The following PABIR2 variants were observed in gnomAD, a reference collection of about 807,000 sequenced individuals.
The protein encoded by PABIR2 is family with sequence similarity 122B.
PABIR2 carries 7 observed loss-of-function variants against 22.8 expected under a neutral mutation model. That is an observed-to-expected ratio of 0.31 (90% CI 0.17 to 0.58). The LOEUF (loss-of-function observed/expected upper bound fraction) is 0.58, where lower values mean the gene tolerates loss of function less well. PABIR2 is among the 20% of genes least tolerant of loss of function. The pLI is 0.89. For missense variants in PABIR2, 155 were observed against 205.1 expected (o/e 0.76, Z 1.49); for synonymous variants, 67 against 73.8 (o/e 0.91, Z 0.47).
chrX:134,791,537 G>A (rs1028852120), intron 2 of PABIR2: 28 of 288,916 alleles, frequency 9.7e-5, no homozygotes, highest in African/African-American at 7.9e-4. Flanking sequence ...TGGAGAAGGT[G>A]GAAAGAAGAG....
At chrX:134,785,188 A>G (rs2079275794) in intron 8 of PABIR2, among the ~76,000 whole-genome samples, 1 of 112,045 alleles carries the variant, frequency 8.9e-6, no homozygotes, top group Non-Finnish European at 1.9e-5. Flanking sequence ...ATTGAGAATC[A>G]GCACAGCAAA....
chrX:134,771,776 T>C lies in PABIR2; in HGVS notation c.*363A>G, dbSNP rs1262552250. 9 of 812,179 alleles carry C rather than the reference T, an allele frequency of 1.1e-5. No homozygotes were observed. Among genetic ancestry groups the C allele is most frequent in the Non-Finnish European group, 1.3e-5 (9 of 678,806 alleles). The allele number at this position is 812,179 out of a possible 1,213,427, so 66.9% of individuals were successfully genotyped here. A position where few individuals can be genotyped will look rare whatever the true frequency, so the allele number is the denominator to read the frequency against. On this transcript the variant is annotated 3_prime_UTR_variant, in exon 10 of 10. Transcript: ENST00000343004. The stretch of plus-strand genomic sequence containing the variant: ...AGAATTTCTGATCAAATCTGTCATA[T>C]CACTGCTGCGGAAAAGGACCATTAA...
At chrX:134,793,001 C>G (rs777021901) in intron 2 of PABIR2, among the ~76,000 whole-genome samples, 6 of 112,069 alleles carry the variant, frequency 5.4e-5, no homozygotes, top group Non-Finnish European at 7.5e-5. Flanking sequence ...GTTTTTCCCT[C>G]TCCTCCCTTG....
intron 3 of PABIR2, 147 bp downstream of exon 3, chrX:134,789,433 G>A: frequency 9.7e-6 from 8 of 824,970 alleles, no homozygotes; most frequent in African/African-American, 2.0e-5. Flanking sequence ...CATGCCGCTT[G>A]TATATTTTAT....
rs1240354101 is a variant in PABIR2 at position 134,785,649 on chromosome X, C to G, written c.562+237G>C. On this transcript the variant is annotated intron_variant, in intron 8 of 9. Transcript: ENST00000343004. Reference sequence around the variant, plus strand: ...TAGAGATGGGATTTTGTCATATTGGCCAGGCTGGTCTCAAACTCCTGACCC... The same window carrying G: ...TAGAGATGGGATTTTGTCATATTGGGCAGGCTGGTCTCAAACTCCTGACCC... 2.7e-5 allele frequency among the ~76,000 whole-genome samples: 3 copies of G among 111,236 alleles called. No individual in the cohort carries two copies. The East Asian group carries it at 8.5e-4, about 31-fold the overall frequency.
intron 6 of PABIR2, 87 bp downstream of exon 6, chrX:134,788,643 T>C (rs2079452228): frequency 1.3e-6 from 1 of 757,723 alleles, no homozygotes; most frequent in East Asian, 3.6e-5. Context: ...AGGCATTGGA[T>C]ACTTTAAAAG....
chrX:134,783,491 C>T (rs182740385), intron 8 of PABIR2, among the ~76,000 whole-genome samples: 16 of 112,249 alleles, frequency 1.4e-4, no homozygotes, highest in Non-Finnish European at 2.8e-4. Flanking sequence ...TTTTGGGAGG[C>T]CGAGGCAGGC....
chrX:134,776,085 A>AAT (rs2078967803), intron 9 of PABIR2, among the ~76,000 whole-genome samples: 1 of 107,999 alleles, frequency 9.3e-6, no homozygotes, highest in Admixed American at 9.8e-5. Flanking sequence ...ACATCTCTAA[A>AAT]GTGTGTGTGT....
rs1356827814 is a variant in PABIR2, at chrX:134,788,092, AAT to A, written c.436-561_436-560del. On this transcript the variant is annotated intron_variant, in intron 6 of 9. Coordinates refer to ENST00000343004, the MANE Select transcript of PABIR2 (RefSeq NM_001387468.1). ...TATGTAATATACACGTTATATGTGT[AAT>A]ATATACACGTTATATATGTGTAATA... 5.9e-5 allele frequency among the ~76,000 whole-genome samples: 6 copies of A among 102,039 alleles called. No homozygotes were observed. The South Asian group carries it at 2.0e-3, about 33-fold the overall frequency. 88.6% of individuals were successfully genotyped at this position (102,039 alleles called of 115,157 possible).
At chrX:134,777,288 A>C (rs1048720326) in intron 9 of PABIR2, among the ~76,000 whole-genome samples, 1 of 112,050 alleles carries the variant, frequency 8.9e-6, no homozygotes, top group African/African-American at 3.2e-5. Flanking sequence ...ACACTTTGGG[A>C]GGCCAAGGCA....
intron 6 of PABIR2, among the ~76,000 whole-genome samples, chrX:134,788,486 A>ATG (rs1476217600): frequency 1.9e-5 from 2 of 106,693 alleles, no homozygotes; most frequent in African/African-American, 3.4e-5. Flanking sequence ...TACGTTATAT[A>ATG]TGTAATATAT....
chrX:134,797,160 C>A lies in PABIR2; in HGVS notation c.-955G>T, dbSNP rs991673776. The A allele has an allele frequency of 8.8e-6, 1 of 114,133 alleles. No homozygotes were observed. The highest frequency in any genetic ancestry group is 3.5e-4 in the South Asian group (1 of 2,853). The allele number at this position is 114,133 out of a possible 1,213,427, so 9.4% of individuals were successfully genotyped here. ...GCCTCCCACGCTTCAGAAGCGGGAA[C>A]CTCCGCTGGGCCAGTTCTTCCGCGT... is the stretch of plus-strand genomic sequence containing the variant. On this transcript the variant is annotated 5_prime_UTR_variant, in exon 1 of 10. Transcript: ENST00000343004.
At chrX:134,775,615 T>A (rs2078955423) in intron 9 of PABIR2, among the ~76,000 whole-genome samples, 1 of 109,085 alleles carries the variant, frequency 9.2e-6, no homozygotes. Flanking sequence ...ATTAAAACAG[T>A]CCAATGATAA....
chrX:134,794,140 G>A (rs1199237270), intron 1 of PABIR2: 1 of 441,500 alleles, frequency 2.3e-6, no homozygotes. Flanking sequence ...GAGAGGTGAT[G>A]CAGGCGGAGC....
In PABIR2 at chrX:134,796,483, T is replaced by A. The variant is rs2079828251; in HGVS notation, c.-278A>T. ...AAGGTGACAGAATGAAGGAAAAGGATGAAGGAAAGAAGGATGGAGGGAAAA... is the reference window on the plus strand; with the variant it reads ...AAGGTGACAGAATGAAGGAAAAGGAAGAAGGAAAGAAGGATGGAGGGAAAA... On this transcript the variant is annotated 5_prime_UTR_variant, in exon 1 of 10. Transcript: ENST00000343004. 5 of 271,272 alleles carry A rather than the reference T, an allele frequency of 1.8e-5. No homozygotes were observed. The highest frequency in any genetic ancestry group is 6.4e-5 in the African/African-American group (2 of 31,494). The allele number at this position is 271,272 out of a possible 1,213,427, so 22.4% of individuals were successfully genotyped here.
intron 3 of PABIR2, 88 bp downstream of exon 3, chrX:134,789,492 C>T (rs1423230531): frequency 1.1e-6 from 1 of 903,864 alleles, no homozygotes; most frequent in Admixed American, 2.8e-5. Context: ...ACCAGAGTTG[C>T]ATCCTAATTC....
chrX:134,780,373 C>G (rs921756745), intron 9 of PABIR2, among the ~76,000 whole-genome samples: 1 of 111,699 alleles, frequency 9.0e-6, no homozygotes, highest in Non-Finnish European at 1.9e-5. Context: ...GTCAGGAGTT[C>G]GAGACCAGCC....
At chrX:134,776,562 G>A (rs1218318987) in intron 9 of PABIR2, among the ~76,000 whole-genome samples, 1 of 110,592 alleles carries the variant, frequency 9.0e-6, no homozygotes, top group Non-Finnish European at 1.9e-5. Context: ...CTGCCTTGTG[G>A]TTGATAATGT....
chrX:134,789,585 T>C lies in PABIR2; in HGVS notation c.229A>G (p.Lys77Glu). The C allele has an allele frequency of 2.6e-6, 3 of 1,154,579 alleles. No homozygotes were observed. Among genetic ancestry groups the C allele is most frequent in the Non-Finnish European group, 3.4e-6 (3 of 871,625 alleles). ...RIPSSRLHQI[K>E]REEGLDMVNR... is the part of the protein sequence containing the mutation. ...AGCTAGTAAGTAAAATTTACCCTTT[T>C]GATCTGATGCAGTCTGCTACTAGGA... is the stretch of plus-strand genomic sequence containing the variant. Residue 77 changes from lysine (K) to glutamate (E), a missense_variant, in exon 3 of 10, where the codon AAA becomes GAA. Physicochemically the swap from Lys to Glu is moderately conservative, Grantham distance 56. Transcript: ENST00000343004.
Sources: gnomAD v4.1 joint callset for allele counts (sites outside exome capture counted in the v4.1 genomes callset) on GRCh38, gnomAD v4.1.1 for gene constraint, MANE v1.5 for transcripts, NCBI Gene and HGNC (gene_info 2026-07-23, HGNC 2026-07-21) for gene names.